Variants in YEATS2 observed in about 807,000 individuals in gnomAD.
The protein encoded by YEATS2 is YEATS domain containing 2, also known as YEATS domain-containing protein 2.
Under a neutral mutation model 163.2 loss-of-function variants are expected in YEATS2, and 77 were observed. The ratio of observed to expected loss-of-function variants is 0.47; its 90% CI spans 0.39 to 0.57. The LOEUF (loss-of-function observed/expected upper bound fraction) is 0.57. Ranked by LOEUF, YEATS2 falls within the 20% of genes least tolerant of loss-of-function variation. The pLI is 0.00. For synonymous variants in YEATS2, 631 were observed against 645.1 expected, an observed-to-expected ratio of 0.98 and a Z score of 0.33; for missense variants, 1,549 against 1,729.8, an observed-to-expected ratio of 0.90 and a Z score of 1.85.
At position 183,750,621 on chromosome 3, in the gene YEATS2, A is replaced by G. The variant is rs542891027; in HGVS notation, c.970-1452A>G. On this transcript the variant is annotated intron_variant, in intron 9 of 30. Transcript: ENST00000305135. ...TTTTGTATTTTAATTTATAGTAGTT[A>G]TTCTGTTGTTTGTGATGTGATATCT... Among the ~76,000 whole-genome samples the G allele has an allele frequency of 3.3e-5, 5 of 152,094 alleles. No individual in the cohort carries two copies. The South Asian group carries it at 1.0e-3, about 32-fold the overall frequency.
At chr3:183,776,884 A>G (rs868451850) in intron 18 of YEATS2, among the ~76,000 whole-genome samples, 1 of 151,712 alleles carries the variant, frequency 6.6e-6, no homozygotes, top group Non-Finnish European at 1.5e-5. Flanking sequence ...CCCGGGAGGC[A>G]GAGGTTGCAG....
intron 20 of YEATS2, among the ~76,000 whole-genome samples, chr3:183,788,992 A>G (rs768966905): frequency 9.2e-5 from 14 of 152,118 alleles, no homozygotes; most frequent in African/African-American, 3.4e-4. Context: ...TTTTTTCTAT[A>G]GAGTTGTTTG....
intron 1 of YEATS2, among the ~76,000 whole-genome samples, chr3:183,711,288 GTA>G (rs1715180582): frequency 6.6e-6 from 1 of 151,770 alleles, no homozygotes; most frequent in Non-Finnish European, 1.5e-5. Context: ...GGCTAACACA[GTA>G]AAACCCCGTC....
intron 17 of YEATS2, among the ~76,000 whole-genome samples, chr3:183,774,042 A>G (rs1577162543): frequency 6.6e-6 from 1 of 152,288 alleles, no homozygotes; most frequent in East Asian, 1.9e-4. Context: ...GGCTGTTGGG[A>G]GAAAGCTGTC....
intron 6 of YEATS2, among the ~76,000 whole-genome samples, chr3:183,727,530 G>T (rs1170969183): frequency 6.6e-6 from 1 of 152,086 alleles, no homozygotes; most frequent in Non-Finnish European, 1.5e-5. Flanking sequence ...AGAGTAAAGG[G>T]CCAGGATTGG....
At chr3:183,706,035 T>TC (rs1308956891) in intron 1 of YEATS2, among the ~76,000 whole-genome samples, 1 of 147,408 alleles carries the variant, frequency 6.8e-6, no homozygotes, top group African/African-American at 2.5e-5. Context: ...CAAGACTGTT[T>TC]CAAAAAAAAA....
intron 15 of YEATS2, 129 bp downstream of exon 15, chr3:183,762,408 A>G: frequency 8.7e-7 from 1 of 1,153,044 alleles, no homozygotes; most frequent in Non-Finnish European, 1.2e-6. Context: ...GTGAAAGCCT[A>G]GTTGGAAAAA....
intron 9 of YEATS2, among the ~76,000 whole-genome samples, chr3:183,750,819 G>T (rs1218096534): frequency 2.0e-5 from 3 of 152,092 alleles, no homozygotes; most frequent in Non-Finnish European, 4.4e-5. Flanking sequence ...TAAGTGACAG[G>T]AGTTATTCAT....
At chr3:183,735,604 A>G (rs763722755) in intron 7 of YEATS2, among the ~76,000 whole-genome samples, 3 of 150,780 alleles carry the variant, frequency 2.0e-5, no homozygotes, top group Non-Finnish European at 4.4e-5. Context: ...CATCTGTTAC[A>G]CTCTTTTCAG....
At chr3:183,706,751 G>T (rs1449627263) in intron 1 of YEATS2, among the ~76,000 whole-genome samples, 1 of 152,184 alleles carries the variant, frequency 6.6e-6, no homozygotes, top group Non-Finnish European at 1.5e-5. Flanking sequence ...GGGAGGCGGA[G>T]GTTGCCGCGA....
intron 1 of YEATS2, among the ~76,000 whole-genome samples, chr3:183,710,922 G>A (rs1715130134): frequency 6.6e-6 from 1 of 152,184 alleles, no homozygotes; most frequent in African/African-American, 2.4e-5. Context: ...TGGAAGACAG[G>A]TGCCTGATGA....
intron 1 of YEATS2, among the ~76,000 whole-genome samples, chr3:183,708,871 A>AT (rs1397969670): frequency 2.0e-5 from 3 of 151,698 alleles, no homozygotes; most frequent in African/African-American, 7.3e-5. Flanking sequence ...CTCTAAAAAA[A>AT]TTTTTTTTGG....
At chr3:183,705,585 A>G (rs946628381) in intron 1 of YEATS2, among the ~76,000 whole-genome samples, 3 of 151,776 alleles carry the variant, frequency 2.0e-5, no homozygotes, top group African/African-American at 7.3e-5. Flanking sequence ...TTTTGTTTGC[A>G]TGTGTCTGTG....
chr3:183,761,721 C>A, intron 14 of YEATS2, 107 bp downstream of exon 14: 1 of 1,020,354 alleles, frequency 9.8e-7, no homozygotes, highest in Non-Finnish European at 1.5e-6. Flanking sequence ...TGGGTCTCAA[C>A]TCCTCATTCT....
intron 18 of YEATS2, 114 bp downstream of exon 18, chr3:183,776,237 AC>A: frequency 3.7e-6 from 4 of 1,088,272 alleles, no homozygotes; most frequent in Non-Finnish European, 5.1e-6. Context: ...TAACACCTTA[AC>A]CGTGTTATCT....
At chr3:183,737,711 A>ATGTAGCCATGTGGTTTATGG (rs1453252474) in intron 8 of YEATS2, among the ~76,000 whole-genome samples, 3 of 152,248 alleles carry the variant, frequency 2.0e-5, no homozygotes, top group Non-Finnish European at 4.4e-5. Flanking sequence ...TTAATGATAA[A>ATGTAGCCATGTGGTTTATGG]TGTAGCCATG....
rs556941178 is a variant in YEATS2 at position 183,804,966 on chromosome 3, G to A, written c.3784+778G>A. Among the ~76,000 whole-genome samples the A allele has an allele frequency of 2.1e-3, 320 of 151,898 alleles. 2 individuals carry two copies. Among genetic ancestry groups the A allele is most frequent in the Non-Finnish European group, 3.6e-3 (242 of 67,954 alleles). ...ATTGCACCAGTGCACTCCAGCCTGGGCAACAGAGCAAGACTCCGTCTCAAA... is the reference window on the plus strand; with the variant it reads ...ATTGCACCAGTGCACTCCAGCCTGGACAACAGAGCAAGACTCCGTCTCAAA... On this transcript the variant is annotated intron_variant, in intron 27 of 30. Coordinates refer to ENST00000305135, the MANE Select transcript of YEATS2 (RefSeq NM_018023.5).
At chr3:183,765,945 TAAAA>T (rs576204848) in intron 15 of YEATS2, among the ~76,000 whole-genome samples, 1 of 128,828 alleles carries the variant, frequency 7.8e-6, no homozygotes, top group African/African-American at 2.9e-5. Flanking sequence ...AGACTCTGTC[TAAAA>T]AAAAAAAAAA....
intron 19 of YEATS2, among the ~76,000 whole-genome samples, chr3:183,782,424 T>A (rs573828129): frequency 1.1e-4 from 17 of 151,708 alleles, no homozygotes; most frequent in South Asian, 6.3e-4. Context: ...TTGAGTTTTT[T>A]AATTTTTTTA....
Sources: gnomAD v4.1 joint callset for allele counts (sites outside exome capture counted in the v4.1 genomes callset) on GRCh38, gnomAD v4.1.1 for gene constraint, MANE v1.5 for transcripts, NCBI Gene and HGNC (gene_info 2026-07-23, HGNC 2026-07-21) for gene names.